Variants in ULK4 observed in about 807,000 individuals in gnomAD.
The protein encoded by ULK4 is unc-51 like kinase 4.
In ULK4, 133 loss-of-function variants were observed where a neutral mutation model predicts 160.6. The ratio of observed to expected loss-of-function variants is 0.83; its 90% CI spans 0.72 to 0.96. ULK4 has a LOEUF of 0.96. Ranked by LOEUF, ULK4 falls within the 40% of genes least tolerant of loss-of-function variation. ULK4 has a pLI of 0.00. For missense variants in ULK4, 1,580 were observed against 1,499.5 expected, an observed-to-expected ratio of 1.05 and a Z score of -0.89; for synonymous variants, 534 against 539.8, an observed-to-expected ratio of 0.99 and a Z score of 0.15.
chr3:41,859,505 C>T (rs983767706), intron 17 of ULK4: 1 of 547,708 alleles, frequency 1.8e-6, no homozygotes, highest in Non-Finnish European at 3.7e-6. Flanking sequence ...CAGTAAGGAC[C>T]CTTAGGGATA....
At chr3:41,908,949 C>T (rs1054427458) in intron 11 of ULK4, among the ~76,000 whole-genome samples, 1 of 151,838 alleles carries the variant, frequency 6.6e-6, no homozygotes, top group Admixed American at 6.6e-5. Flanking sequence ...AAAAATTAGC[C>T]AGGCATGGTA....
At chr3:41,470,194 T>C (rs1271124806) in intron 32 of ULK4, among the ~76,000 whole-genome samples, 1 of 151,500 alleles carries the variant, frequency 6.6e-6, no homozygotes, top group African/African-American at 2.4e-5. Context: ...TTATGAAAAA[T>C]CAAAGATGAA....
chr3:41,833,077 T>C (rs2041644131), intron 18 of ULK4, among the ~76,000 whole-genome samples: 1 of 152,190 alleles, frequency 6.6e-6, no homozygotes, highest in Admixed American at 6.5e-5. Flanking sequence ...AGAATGTCAA[T>C]GGTAGTTTGA....
At position 41,938,016 on chromosome 3, in the gene ULK4, A is replaced by G. The variant is rs947898065; in HGVS notation, c.238+82T>C. 35 of 1,052,756 alleles carry G rather than the reference A, an allele frequency of 3.3e-5. No individual in the cohort carries two copies. The Admixed American group carries it at 8.6e-4, about 26-fold the overall frequency. The allele number at this position is 1,052,756 out of a possible 1,614,324, so 65.2% of individuals were successfully genotyped here. ...ATAGATTTTCAAGTTAACATAGTAA[A>G]TAACATCAAAAGTAACAAAACTTAA... On this transcript the variant is annotated intron_variant, in intron 3 of 36. Transcript: ENST00000301831.
chr3:41,775,379 T>C (rs962484024), intron 21 of ULK4, among the ~76,000 whole-genome samples: 1 of 149,182 alleles, frequency 6.7e-6, no homozygotes, highest in Non-Finnish European at 1.5e-5. Flanking sequence ...AAGAAAATAA[T>C]ATATATATGG....
rs2037047849 is a variant in ULK4, at chr3:41,710,312, A to T, written c.2634+4925T>A. On this transcript the variant is annotated intron_variant, in intron 25 of 36. Coordinates refer to ENST00000301831, the MANE Select transcript of ULK4 (RefSeq NM_017886.4). ...ATTCTCAGTGTAATAGGGAGTAATG[A>T]GGTGAGAGTGAGGACGGGGTAGTAG... Among the ~76,000 whole-genome samples, 5 of 152,042 alleles carry T rather than the reference A, an allele frequency of 3.3e-5. No homozygotes were observed. The South Asian group carries it at 1.0e-3, about 32-fold the overall frequency.
At chr3:41,569,784 C>T (rs1374820359) in intron 31 of ULK4, among the ~76,000 whole-genome samples, 1 of 102,970 alleles carries the variant, frequency 9.7e-6, no homozygotes, top group African/African-American at 3.1e-5. Context: ...AATGACTACC[C>T]TACATTTTTT....
At chr3:41,755,230 G>A (rs1422371414) in intron 21 of ULK4, among the ~76,000 whole-genome samples, 3 of 152,146 alleles carry the variant, frequency 2.0e-5, no homozygotes, top group Non-Finnish European at 4.4e-5. Context: ...GAGAGCTTAA[G>A]AGAGGCCAGC....
intron 36 of ULK4, among the ~76,000 whole-genome samples, chr3:41,247,979 G>GACGTTTT (rs1232442893): frequency 1.3e-5 from 2 of 152,232 alleles, no homozygotes; most frequent in African/African-American, 4.8e-5. Context: ...GTCTGGTGTA[G>GACGTTTT]ACGTTTTAGA....
Position 41,566,207 on chromosome 3 carries a change from T to C in ULK4, c.3121-77A>G, listed in dbSNP as rs548437142. 4.4e-5 allele frequency: 55 copies of C among 1,245,038 alleles called. 1 individual carries two copies. The South Asian group carries it at 5.8e-4, about 13-fold the overall frequency. 77.1% of individuals were successfully genotyped at this position (1,245,038 alleles called of 1,614,324 possible). The stretch of plus-strand genomic sequence containing the variant: ...ATCGTAAAGACAAATAAGCAAATGA[T>C]GTCCACTGCTTCATTCTTTGCACAA... On this transcript the variant is annotated intron_variant, in intron 31 of 36. Transcript: ENST00000301831.
At chr3:41,842,044 G>A (rs573055271) in intron 17 of ULK4, among the ~76,000 whole-genome samples, 10 of 150,752 alleles carry the variant, frequency 6.6e-5, no homozygotes, top group Admixed American at 4.7e-4. Context: ...AGAGACCTTT[G>A]TTCACGTGTT....
chr3:41,579,344 G>A (rs1044830538), intron 31 of ULK4, among the ~76,000 whole-genome samples: 31 of 152,106 alleles, frequency 2.0e-4, no homozygotes, highest in Non-Finnish European at 3.4e-4. Context: ...GATAAGGAAG[G>A]AAGGAGGAAC....
chr3:41,360,321 T>C (rs1389797969), intron 35 of ULK4, among the ~76,000 whole-genome samples: 1 of 151,910 alleles, frequency 6.6e-6, no homozygotes, highest in Non-Finnish European at 1.5e-5. Flanking sequence ...TTGGTGGGAG[T>C]AGAAATTAGT....
chr3:41,856,818 A>C (rs1432387686), intron 17 of ULK4, among the ~76,000 whole-genome samples: 3 of 151,554 alleles, frequency 2.0e-5, no homozygotes, highest in Non-Finnish European at 4.4e-5. Flanking sequence ...TGGTGGGTAG[A>C]CTGCTTGAGC....
intron 5 of ULK4, among the ~76,000 whole-genome samples, chr3:41,930,366 G>T (rs1158425984): frequency 6.6e-6 from 1 of 152,076 alleles, no homozygotes; most frequent in Non-Finnish European, 1.5e-5. Flanking sequence ...TTAAATGTAA[G>T]ACTTAAAACC....
intron 32 of ULK4, among the ~76,000 whole-genome samples, chr3:41,485,168 T>C (rs887082012): frequency 2.0e-5 from 3 of 152,162 alleles, no homozygotes; most frequent in African/African-American, 4.8e-5. Context: ...CCCAAGACCA[T>C]GTGGCTCCAT....
chr3:41,629,521 C>T (rs1340384251), intron 30 of ULK4, among the ~76,000 whole-genome samples: 2 of 152,042 alleles, frequency 1.3e-5, no homozygotes, highest in African/African-American at 2.4e-5. Flanking sequence ...AGTGGGCATG[C>T]GCAAGTTATG....
rs116337930 is a variant in ULK4, at chr3:41,846,237, T to C, written c.1657-10266A>G. On this transcript the variant is annotated intron_variant, in intron 17 of 36. Coordinates refer to ENST00000301831, the MANE Select transcript of ULK4 (RefSeq NM_017886.4). Reference sequence around the variant, plus strand: ...ATTTGTATAGATTTTCCATTTGCTGTATTACAAATTTAAAGAAATAATAAT... The same window carrying C: ...ATTTGTATAGATTTTCCATTTGCTGCATTACAAATTTAAAGAAATAATAAT... 9.8e-4 allele frequency among the ~76,000 whole-genome samples: 149 copies of C among 152,240 alleles called. 1 individual carries two copies. Among genetic ancestry groups the C allele is most frequent in the African/African-American group, 3.4e-3 (142 of 41,552 alleles).
At chr3:41,955,507 G>T (rs1700452820) in intron 1 of ULK4, 1 of 152,430 alleles carries the variant, frequency 6.6e-6, no homozygotes, top group Non-Finnish European at 1.5e-5. Context: ...CCAAAAATGG[G>T]AGCAAGCCTG....
Sources: gnomAD v4.1 joint callset for allele counts (sites outside exome capture counted in the v4.1 genomes callset) on GRCh38, gnomAD v4.1.1 for gene constraint, MANE v1.5 for transcripts, NCBI Gene and HGNC (gene_info 2026-07-23, HGNC 2026-07-21) for gene names.